POFUT1: variants seen among roughly 807,000 people sequenced by gnomAD.
POFUT1 encodes GDP-fucose protein O-fucosyltransferase 1.
A neutral mutation model predicts 42.4 loss-of-function variants in POFUT1; 16 were observed. The ratio of observed to expected loss-of-function variants is 0.38; its 90% CI spans 0.26 to 0.57. The LOEUF is 0.57. Among genes scored for constraint, POFUT1 ranks in the 20% least tolerant of loss-of-function variants. The probability of loss-of-function intolerance (pLI) is 0.71; values close to 1 mark genes in which losing one functional copy is unlikely to be tolerated. For missense variants in POFUT1, 470 were observed against 504.6 expected (o/e 0.93, Z 0.66); for synonymous variants, 206 against 205.4 (o/e 1.00, Z -0.03).
Position 32,237,165 on chromosome 20 carries a change from G to A in POFUT1, c.*2504G>A, listed in dbSNP as rs570014419. 2.0e-5 allele frequency: 3 copies of A among 152,340 alleles called. No individual in the cohort carries two copies. The East Asian group carries it at 5.8e-4, about 29-fold the overall frequency. The allele number at this position is 152,340 out of a possible 1,614,324, so 9.4% of individuals were successfully genotyped here. The stretch of plus-strand genomic sequence containing the variant: ...ATGCCGCTTACAGCCCCCGTTGGAT[G>A]GTTGCTCAGTACAACAGTCTTGCAT... On this transcript the variant is annotated 3_prime_UTR_variant, in exon 7 of 7. Coordinates refer to ENST00000375749, the MANE Select transcript of POFUT1 (RefSeq NM_015352.2).
At chr20:32,216,987 A>C in intron 4 of POFUT1, 1 of 1,612,362 alleles carries the variant, frequency 6.2e-7, no homozygotes, top group Non-Finnish European at 8.5e-7. Context: ...CAGTCGCATG[A>C]GTCTCAATTT....
chr20:32,234,432 G>C, intron 6 of POFUT1, 41 bp from the exon 7 acceptor site: 1 of 1,541,508 alleles, frequency 6.5e-7, no homozygotes, highest in Non-Finnish European at 8.8e-7. Context: ...GCCTTGGCCT[G>C]TAGCCACCCC....
chr20:32,228,248 C>T lies in POFUT1; in HGVS notation c.543-15C>T, dbSNP rs1390087465. 1 of 1,608,446 alleles carries T rather than the reference C, an allele frequency of 6.2e-7. No individual in the cohort carries two copies. Among genetic ancestry groups the T allele is most frequent in the Non-Finnish European group, 8.5e-7 (1 of 1,176,138 alleles). On this transcript the variant is annotated splice_polypyrimidine_tract_variant and intron_variant, in intron 4 of 6. Transcript: ENST00000375749. ...TGTGCGTCCTCTGACTTCCCTCATT[C>T]CATCTCCTGTCTAGATTTTCTCCAA...
intron 6 of POFUT1, among the ~76,000 whole-genome samples, 176 bp from the exon 7 acceptor site, chr20:32,234,297 G>T (rs888326211): frequency 1.3e-5 from 2 of 152,260 alleles, no homozygotes; most frequent in African/African-American, 4.8e-5. Flanking sequence ...GAAGGGTGGG[G>T]TGGGCCTAGG....
intron 4 of POFUT1, chr20:32,222,861 T>C (rs549948767): frequency 1.0e-6 from 1 of 985,410 alleles, no homozygotes; most frequent in Admixed American, 6.1e-5. Context: ...TTTGAGCGCA[T>C]GGCTTGTCAT....
In POFUT1 at chr20:32,207,888, C is replaced by A; in HGVS notation, c.-54C>A. The A allele has an allele frequency of 7.0e-7, 1 of 1,434,476 alleles. No individual in the cohort carries two copies. The highest frequency in any genetic ancestry group is 3.0e-5 in the East Asian group (1 of 33,002). The allele number at this position is 1,434,476 out of a possible 1,614,324, so 88.9% of individuals were successfully genotyped here. ...CTGGGAGCGGGGCGGGCGCTCGCGT[C>A]CCTCCTTCCCTCCCCGACTGTGCGC... On this transcript the variant is annotated 5_prime_UTR_variant, in exon 1 of 7. Transcript: ENST00000375749.
intron 4 of POFUT1, among the ~76,000 whole-genome samples, chr20:32,220,703 A>G (rs1403631574): frequency 6.6e-6 from 1 of 151,876 alleles, no homozygotes; most frequent in Non-Finnish European, 1.5e-5. Context: ...AGATTGTGCC[A>G]CTGCATCCCA....
At chr20:32,223,948 T>A (rs200250780) in intron 4 of POFUT1, among the ~76,000 whole-genome samples, 24 of 152,318 alleles carry the variant, frequency 1.6e-4, no homozygotes, top group South Asian at 8.3e-4. Flanking sequence ...GTGCCTCAGT[T>A]TCCTCACCTG....
rs937943123 is a variant in POFUT1, at chr20:32,237,995, T to A, written c.*3334T>A. The A allele has an allele frequency of 3.3e-5, 12 of 363,596 alleles. No homozygotes were observed. Among genetic ancestry groups the A allele is most frequent in the African/African-American group, 2.6e-4 (12 of 47,058 alleles). The allele number at this position is 363,596 out of a possible 1,614,324, so 22.5% of individuals were successfully genotyped here. On this transcript the variant is annotated 3_prime_UTR_variant, in exon 7 of 7. Transcript: ENST00000375749. ...ACAATTTAATGTCCTAGTGTTTTACTTAATAGTGTATCATGTTTTCCCTGT... is the reference window on the plus strand; with the variant it reads ...ACAATTTAATGTCCTAGTGTTTTACATAATAGTGTATCATGTTTTCCCTGT...
At chr20:32,225,909 C>A (rs556839460) in intron 4 of POFUT1, among the ~76,000 whole-genome samples, 7 of 152,330 alleles carry the variant, frequency 4.6e-5, no homozygotes, top group African/African-American at 1.7e-4. Context: ...CCCAAGTTAG[C>A]TAGTGGCATA....
chr20:32,222,281 T>A (rs2122582719), intron 4 of POFUT1, among the ~76,000 whole-genome samples: 1 of 152,148 alleles, frequency 6.6e-6, no homozygotes, highest in South Asian at 2.1e-4. Flanking sequence ...CTAGCTTGGG[T>A]GACAGAGTGA....
chr20:32,232,802 A>G (rs1600395326), intron 6 of POFUT1, among the ~76,000 whole-genome samples: 1 of 151,848 alleles, frequency 6.6e-6, no homozygotes, highest in East Asian at 1.9e-4. Flanking sequence ...TCCTGTCCCT[A>G]TGCCAGTCTT....
chr20:32,213,220 C>A (rs111785615), intron 2 of POFUT1, among the ~76,000 whole-genome samples: 1 of 151,892 alleles, frequency 6.6e-6, no homozygotes, highest in Non-Finnish European at 1.5e-5. Flanking sequence ...ATATGCCAGG[C>A]GCAGTGGGAG....
chr20:32,219,508 GT>G (rs11478934), intron 4 of POFUT1, among the ~76,000 whole-genome samples: 72,553 of 112,262 alleles, frequency 0.65, 21,844 homozygotes, highest in South Asian at 0.78. Context: ...ATAACAACAA[GT>G]TTTTTTTTTT....
chr20:32,211,439 T>C (rs990060344), intron 2 of POFUT1, among the ~76,000 whole-genome samples: 2 of 152,086 alleles, frequency 1.3e-5, no homozygotes, highest in African/African-American at 4.8e-5. Flanking sequence ...GCCCAGCTAA[T>C]TTTTGTATTT....
Position 32,234,599 on chromosome 20 carries a change from C to T in POFUT1, c.1105C>T (p.Gln369Ter). The T allele has an allele frequency of 6.2e-7, 1 of 1,614,134 alleles. No individual in the cohort carries two copies. The highest frequency in any genetic ancestry group is 8.5e-7 in the Non-Finnish European group (1 of 1,179,986). Residue 369 changes from glutamine to a stop codon, truncating the protein, a stop_gained, in exon 7 of 7, where the codon CAG becomes TAG. Coordinates refer to ENST00000375749, the MANE Select transcript of POFUT1 (RefSeq NM_015352.2). LOFTEE classifies it high-confidence loss of function. ...CTTTGTGAAGCGGGAGCGGGACCTC[C>T]AGGGGAGGCCGTCTTCTTTCTTCGG... Reference protein sequence around the residue: ...TAFVKRERDLQGRPSSFFGMD... With the variant: ...TAFVKRERDL
chr20:32,227,708 C>A (rs1375299076), intron 4 of POFUT1, among the ~76,000 whole-genome samples: 1 of 152,112 alleles, frequency 6.6e-6, no homozygotes, highest in Admixed American at 6.5e-5. Context: ...ACCTGCAGAC[C>A]CCTGCTCCCT....
intron 4 of POFUT1, among the ~76,000 whole-genome samples, chr20:32,226,838 G>C (rs952596139): frequency 1.3e-5 from 2 of 152,074 alleles, no homozygotes; most frequent in African/African-American, 2.4e-5. Flanking sequence ...TTGTTTAACT[G>C]TTTACTTGTG....
rs1236155798 is a variant in POFUT1, at chr20:32,237,673, G to A, written c.*3012G>A. The A allele has an allele frequency of 2.3e-6, 1 of 428,140 alleles. No homozygotes were observed. The highest frequency in any genetic ancestry group is 4.9e-6 in the Non-Finnish European group (1 of 204,440). 26.5% of individuals were successfully genotyped at this position (428,140 alleles called of 1,614,324 possible). On this transcript the variant is annotated 3_prime_UTR_variant, in exon 7 of 7. Coordinates refer to ENST00000375749, the MANE Select transcript of POFUT1 (RefSeq NM_015352.2). ...AAGCCTCCTAGGGTTCTGAGCAGAA[G>A]AGGGGCATGAGCTGATTCACATTCT...
Sources: gnomAD v4.1 joint callset for allele counts (sites outside exome capture counted in the v4.1 genomes callset) on GRCh38, gnomAD v4.1.1 for gene constraint, MANE v1.5 for transcripts, NCBI Gene and HGNC (gene_info 2026-07-23, HGNC 2026-07-21) for gene names.